The following WDFY3 variants were observed in gnomAD, a reference collection of about 807,000 sequenced individuals.
WDFY3 encodes the protein WD repeat and FYVE domain-containing protein 3.
Under a neutral mutation model 409.6 loss-of-function variants are expected in WDFY3, and 66 were observed. The ratio of observed to expected loss-of-function variants is 0.16; its 90% CI spans 0.13 to 0.20. WDFY3 has a LOEUF of 0.20. WDFY3 is among the 10% of genes least tolerant of loss of function. The pLI is 1.00. For synonymous variants in WDFY3, 1,521 were observed against 1,537.1 expected (o/e 0.99, Z 0.25); for missense variants, 3,031 against 4,298.1 (o/e 0.71, Z 8.24).
intron 1 of WDFY3, among the ~76,000 whole-genome samples, chr4:84,957,687 C>T (rs1774416961): frequency 6.6e-6 from 1 of 152,156 alleles, no homozygotes; most frequent in Non-Finnish European, 1.5e-5. Flanking sequence ...CTCAAAAATC[C>T]CAAAGCCCTG....
chr4:84,888,612 A>C (rs1764535672), intron 3 of WDFY3, among the ~76,000 whole-genome samples: 1 of 152,192 alleles, frequency 6.6e-6, no homozygotes, highest in South Asian at 2.1e-4. Flanking sequence ...CTAAAATGTA[A>C]ATGCAAAATA....
At chr4:84,702,696 G>A (rs539061106) in intron 55 of WDFY3, among the ~76,000 whole-genome samples, 190 bp from the exon 56 acceptor site, 8 of 152,138 alleles carry the variant, frequency 5.3e-5, no homozygotes, top group East Asian at 3.9e-4. Context: ...CCTTACAGAG[G>A]GTTCTCTCTG....
At chr4:84,953,743 T>A (rs904618317) in intron 1 of WDFY3, among the ~76,000 whole-genome samples, 1 of 152,088 alleles carries the variant, frequency 6.6e-6, no homozygotes, top group Non-Finnish European at 1.5e-5. Flanking sequence ...TGGGCTAATA[T>A]TTTTCCCCAA....
intron 3 of WDFY3, among the ~76,000 whole-genome samples, chr4:84,861,800 T>C (rs946440490): frequency 5.3e-5 from 8 of 152,196 alleles, no homozygotes; most frequent in Non-Finnish European, 1.2e-4. Context: ...TCAGTAACAG[T>C]AAGCTTTCAG....
chr4:84,738,925 T>G, intron 40 of WDFY3, 85 bp downstream of exon 40: 1 of 1,431,536 alleles, frequency 7.0e-7, no homozygotes, highest in South Asian at 1.2e-5. Flanking sequence ...TGCTGGCAGT[T>G]TCTGAAGCCA....
intron 10 of WDFY3, among the ~76,000 whole-genome samples, chr4:84,822,939 A>G (rs946575252): frequency 1.3e-5 from 2 of 152,156 alleles, no homozygotes; most frequent in African/African-American, 4.8e-5. Context: ...AAAAGTAAAG[A>G]TGTCTGGAAA....
In WDFY3 at chr4:84,825,288, C is replaced by A. The variant is rs1022385083; in HGVS notation, c.1123+1527G>T. On this transcript the variant is annotated intron_variant, in intron 10 of 67. Transcript: ENST00000295888. ...TTGCTGCAATATTTTTATATTAATTCATAGGAAGATTTAACTGTAGAATGA... is the reference window on the plus strand; with the variant it reads ...TTGCTGCAATATTTTTATATTAATTAATAGGAAGATTTAACTGTAGAATGA... 2.7e-5 allele frequency among the ~76,000 whole-genome samples: 4 copies of A among 150,528 alleles called. No homozygotes were observed. In the East Asian group the frequency reaches 7.8e-4, roughly 29 times the overall value.
At chr4:84,828,860 GA>G in intron 9 of WDFY3, 143 bp downstream of exon 9, 1 of 808,690 alleles carries the variant, frequency 1.2e-6, no homozygotes, top group Non-Finnish European at 1.8e-6. Context: ...GATTGCACCA[GA>G]AAAAGAAGGG....
At chr4:84,861,206 T>TTAAA (rs898321558) in intron 3 of WDFY3, among the ~76,000 whole-genome samples, 3 of 151,992 alleles carry the variant, frequency 2.0e-5, no homozygotes, top group East Asian at 1.9e-4. Flanking sequence ...GACTCTGTCT[T>TTAAA]TAAATAAATA....
rs867259963 is a variant in WDFY3, at chr4:84,947,544, A to T, written c.-225-15181T>A. Among the ~76,000 whole-genome samples the T allele has an allele frequency of 3.5e-4, 46 of 131,832 alleles. No individual in the cohort carries two copies. In the South Asian group the frequency reaches 4.0e-3, roughly 12 times the overall value. The allele number at this position is 131,832 out of a possible 152,430, so 86.5% of individuals were successfully genotyped here. On this transcript the variant is annotated intron_variant, in intron 1 of 67. Coordinates refer to ENST00000295888, the MANE Select transcript of WDFY3 (RefSeq NM_014991.6). ...ATAATAATAATAATAATAATAATAA[A>T]AATAATAAATAAATAAAATAAAATA...
rs548745925 is a variant in WDFY3 at position 84,738,620 on chromosome 4, G to A, written c.6574+390C>T. 4.0e-5 allele frequency among the ~76,000 whole-genome samples: 6 copies of A among 151,240 alleles called. No individual in the cohort carries two copies. In the South Asian group the frequency reaches 1.3e-3, roughly 32 times the overall value. On this transcript the variant is annotated intron_variant, in intron 40 of 67. Transcript: ENST00000295888. ...TTGTTTAAAAAAAAAAAAAAAAAGA[G>A]AGAGAGTATAAAGAAGAATAAAAAA...
intron 44 of WDFY3, among the ~76,000 whole-genome samples, chr4:84,729,396 T>C (rs1416782670): frequency 1.3e-5 from 2 of 151,916 alleles, no homozygotes; most frequent in African/African-American, 4.8e-5. Context: ...ATTATGAAAA[T>C]TACTCCCCAA....
intron 6 of WDFY3, among the ~76,000 whole-genome samples, chr4:84,838,570 G>A (rs1012944535): frequency 6.6e-6 from 1 of 152,156 alleles, no homozygotes. Context: ...CAAACCACAT[G>A]AGAGATGGGG....
At chr4:84,958,355 T>G (rs1409455179) in intron 1 of WDFY3, among the ~76,000 whole-genome samples, 1 of 152,232 alleles carries the variant, frequency 6.6e-6, no homozygotes, top group East Asian at 1.9e-4. Flanking sequence ...TTTTCAATGA[T>G]TAATCCTATG....
At chr4:84,941,813 G>T (rs1248151854) in intron 1 of WDFY3, among the ~76,000 whole-genome samples, 1 of 151,998 alleles carries the variant, frequency 6.6e-6, no homozygotes, top group Non-Finnish European at 1.5e-5. Context: ...TGTGGCAGTG[G>T]TAAAAGCACC....
intron 3 of WDFY3, among the ~76,000 whole-genome samples, chr4:84,866,472 C>T (rs1056922797): frequency 2.5e-4 from 38 of 152,244 alleles, no homozygotes; most frequent in African/African-American, 8.7e-4. Flanking sequence ...CAAAGGCTAT[C>T]TCCCTAACCC....
At chr4:84,861,749 A>C (rs1380643099) in intron 3 of WDFY3, among the ~76,000 whole-genome samples, 3 of 152,238 alleles carry the variant, frequency 2.0e-5, no homozygotes, top group Admixed American at 2.0e-4. Context: ...TGCAGTTAAA[A>C]AAATACACAA....
chr4:84,876,129 A>G (rs1451389963), intron 3 of WDFY3, among the ~76,000 whole-genome samples: 2 of 152,254 alleles, frequency 1.3e-5, no homozygotes, highest in East Asian at 1.9e-4. Context: ...TTACACCAGC[A>G]TCACCATGAA....
At position 84,709,354 on chromosome 4, in the gene WDFY3, G is replaced by C. The variant is rs1732506449; in HGVS notation, c.8043-7C>G. 1 of 1,601,548 alleles carries C rather than the reference G, an allele frequency of 6.2e-7. No homozygotes were observed. Among genetic ancestry groups the C allele is most frequent in the Admixed American group, 1.8e-5 (1 of 56,908 alleles). The stretch of plus-strand genomic sequence containing the variant: ...AGTGCTAAGTAACCCAGATCTAAAA[G>C]CAATACATAATACAATAAATTACAA... On this transcript the variant is annotated splice_polypyrimidine_tract_variant and splice_region_variant and intron_variant, in intron 51 of 67. Coordinates refer to ENST00000295888, the MANE Select transcript of WDFY3 (RefSeq NM_014991.6).
Sources: allele counts gnomAD v4.1 joint callset (sites outside exome capture counted in the v4.1 genomes callset), GRCh38; gene constraint gnomAD v4.1.1; transcripts MANE v1.5; gene names NCBI Gene and HGNC (gene_info 2026-07-23, HGNC 2026-07-21).